The following BARD1 variants were observed in gnomAD, a reference collection of about 807,000 sequenced individuals.
The protein encoded by BARD1 is BRCA1-associated RING domain protein 1.
In BARD1, 73 loss-of-function variants were observed where a neutral mutation model predicts 77.0. That is an observed-to-expected ratio of 0.95 (90% CI 0.79 to 1.15). The LOEUF (loss-of-function observed/expected upper bound fraction) is 1.15, where lower values mean the gene tolerates loss of function less well. Ranked by LOEUF, BARD1 falls within the 50% of genes most tolerant of loss-of-function variation. The pLI is 0.00. For synonymous variants in BARD1, 384 were observed against 338.0 expected, an observed-to-expected ratio of 1.14 and a Z score of -1.49; for missense variants, 993 against 938.8, an observed-to-expected ratio of 1.06 and a Z score of -0.75.
intron 4 of BARD1, among the ~76,000 whole-genome samples, chr2:214,777,999 C>G (rs558191807): frequency 9.5e-4 from 144 of 152,206 alleles, no homozygotes; most frequent in African/African-American, 3.3e-3. Context: ...AGTTCGAGAC[C>G]AGCCTGGCCA....
chr2:214,728,948 TTGG>T lies in BARD1; in HGVS notation c.2059_2061del (p.Pro687del). 1 of 1,614,194 alleles carries T rather than the reference TTGG, an allele frequency of 6.2e-7. No homozygotes were observed. ...GTGACGAGCTTAATAAGGTTGTCCT[TTGG>T]ATGGTGTTTGAAGGTTCCCCACAAA... On this transcript the variant is annotated inframe_deletion, in exon 11 of 11. Transcript: ENST00000260947.
At position 214,728,946 on chromosome 2, in the gene BARD1, C is replaced by CT. The variant is rs1064796026; in HGVS notation, c.2063dup (p.Asp689GlyfsTer5). Reference sequence around the variant, plus strand: ...CAGTGACGAGCTTAATAAGGTTGTCCTTTGGATGGTGTTTGAAGGTTCCCC... The same window carrying CT: ...CAGTGACGAGCTTAATAAGGTTGTCCTTTTGGATGGTGTTTGAAGGTTCCCC... On this transcript the variant is annotated frameshift_variant, in exon 11 of 11. Transcript: ENST00000260947. LOFTEE classifies it high-confidence loss of function. The CT allele has an allele frequency of 6.2e-7, 1 of 1,614,042 alleles. No homozygotes were observed. The highest frequency in any genetic ancestry group is 1.3e-5 in the African/African-American group (1 of 74,906).
chr2:214,739,320 TA>T (rs1438513139), intron 9 of BARD1, among the ~76,000 whole-genome samples: 2 of 152,146 alleles, frequency 1.3e-5, no homozygotes, highest in African/African-American at 4.8e-5. Context: ...AGTATGTCAT[TA>T]GATCTAAACT....
At position 214,730,416 on chromosome 2, in the gene BARD1, G is replaced by A. The variant is rs730881422; in HGVS notation, c.1996C>T (p.Gln666Ter). 5.6e-6 allele frequency: 9 copies of A among 1,612,696 alleles called. No homozygotes were observed. Among genetic ancestry groups the A allele is most frequent in the Non-Finnish European group, 7.6e-6 (9 of 1,178,806 alleles). ...TTGTATTAAAAGAAAAATACCAGCT[G>A]TTCTCTGTTGAGCCTGCTTCTGCGT... ...GPRRSRLNREQLLPKLFDGCY... is the reference protein window; with the variant it reads ...GPRRSRLNRE The change falls in exon 10 of 11, where the codon CAG becomes TAG. Residue 666 changes from glutamine to a stop codon, truncating the protein, a stop_gained. Coordinates refer to ENST00000260947, the MANE Select transcript of BARD1 (RefSeq NM_000465.4). LOFTEE classifies it high-confidence loss of function.
chr2:214,746,195 C>T (rs1693108459), intron 7 of BARD1, among the ~76,000 whole-genome samples: 1 of 152,132 alleles, frequency 6.6e-6, no homozygotes, highest in Non-Finnish European at 1.5e-5. Flanking sequence ...CAGCAATTCC[C>T]TATTCCACCT....
chr2:214,784,399 A>G (rs925572549), intron 3 of BARD1, among the ~76,000 whole-genome samples: 4 of 152,212 alleles, frequency 2.6e-5, no homozygotes, highest in African/African-American at 9.7e-5. Flanking sequence ...GAGGATGTGG[A>G]GAAATAGAAA....
intron 9 of BARD1, among the ~76,000 whole-genome samples, chr2:214,735,866 A>G (rs1249075318): frequency 1.3e-5 from 2 of 152,054 alleles, no homozygotes; most frequent in South Asian, 4.1e-4. Context: ...GTCTTTCCTG[A>G]ATTGGGTCAT....
chr2:214,772,461 T>C (rs1694547711), intron 4 of BARD1, among the ~76,000 whole-genome samples: 1 of 151,774 alleles, frequency 6.6e-6, no homozygotes. Context: ...AAAAAAAAAA[T>C]ATTAAAGAAG....
chr2:214,763,155 A>T (rs1224222495), intron 6 of BARD1, among the ~76,000 whole-genome samples: 1 of 152,114 alleles, frequency 6.6e-6, no homozygotes, highest in Admixed American at 6.5e-5. Flanking sequence ...TGAGTACCTT[A>T]GCACCCATAT....
At position 214,780,842 on chromosome 2, in the gene BARD1, A is replaced by T. The variant is rs1060501293; in HGVS notation, c.1032T>A (p.Ser344Arg). ...KRCRTSILST[S>R]GDFVKQTVPS... ...GCACCGTTTGCTTAACAAAATCTCC[A>T]CTGGTGCTCAGAATGCTGGTTCTAC... is the stretch of plus-strand genomic sequence containing the variant. Residue 344 changes from serine (S) to arginine (R), a missense_variant, in exon 4 of 11, where the codon AGT becomes AGA. Transcript: ENST00000260947. The T allele has an allele frequency of 5.6e-6, 9 of 1,613,990 alleles. No homozygotes were observed. The highest frequency in any genetic ancestry group is 7.6e-6 in the Non-Finnish European group (9 of 1,179,998).
chr2:214,797,870 A>C (rs1022838584), intron 1 of BARD1, among the ~76,000 whole-genome samples: 2 of 152,224 alleles, frequency 1.3e-5, no homozygotes, highest in African/African-American at 4.8e-5. Flanking sequence ...AAAGAGACAC[A>C]GAAACAAAAT....
intron 1 of BARD1, among the ~76,000 whole-genome samples, chr2:214,797,736 G>C (rs1278320621): frequency 2.0e-5 from 3 of 152,068 alleles, no homozygotes; most frequent in Non-Finnish European, 4.4e-5. Flanking sequence ...CAGATATATT[G>C]TGAAAAATGC....
At position 214,750,138 on chromosome 2, in the gene BARD1, G is replaced by C. The variant is rs184876855; in HGVS notation, c.1677+2309C>G. On this transcript the variant is annotated intron_variant, in intron 7 of 10. Coordinates refer to ENST00000260947, the MANE Select transcript of BARD1 (RefSeq NM_000465.4). The stretch of plus-strand genomic sequence containing the variant: ...CTTTCCCCCATCTGAGCAGTACTGG[G>C]ATCTGGTGAGTCTACCAACTCTCTC... Among the ~76,000 whole-genome samples, 3 of 152,060 alleles carry C rather than the reference G, an allele frequency of 2.0e-5. No homozygotes were observed. The East Asian group carries it at 5.8e-4, about 30-fold the overall frequency.
intron 7 of BARD1, among the ~76,000 whole-genome samples, chr2:214,749,778 C>T (rs1323636009): frequency 8.6e-6 from 1 of 116,578 alleles, no homozygotes; most frequent in Non-Finnish European, 1.8e-5. Flanking sequence ...AAGAAAAAAA[C>T]AACCTTTTTT....
Position 214,747,671 on chromosome 2 carries a change from A to G in BARD1, c.1678-1817T>C, listed in dbSNP as rs558149513. On this transcript the variant is annotated intron_variant, in intron 7 of 10. Coordinates refer to ENST00000260947, the MANE Select transcript of BARD1 (RefSeq NM_000465.4). ...AATTGAACAATGAGAACACATGGAC[A>G]CAGGAAGGGGAACATCACACTCTGG... is the stretch of plus-strand genomic sequence containing the variant. Among the ~76,000 whole-genome samples, 1,166 of 134,450 alleles carry G rather than the reference A, an allele frequency of 8.7e-3. 15 individuals carry two copies. The highest frequency in any genetic ancestry group is 0.031 in the African/African-American group (1,124 of 35,958). 88.2% of individuals were successfully genotyped at this position (134,450 alleles called of 152,430 possible). A position where few individuals can be genotyped will look rare whatever the true frequency, so the allele number is the denominator to read the frequency against.
chr2:214,760,031 A>G (rs1344953002), intron 6 of BARD1, among the ~76,000 whole-genome samples: 1 of 152,066 alleles, frequency 6.6e-6, no homozygotes, highest in East Asian at 1.9e-4. Flanking sequence ...ACACACATTC[A>G]ATGTCTAACT....
rs752186689 is a variant in BARD1, at chr2:214,780,641, G to A, written c.1233C>T (p.Pro411=). Residue 411 remains proline, a synonymous_variant, in exon 4 of 11, where the codon CCC becomes CCT. Coordinates refer to ENST00000260947, the MANE Select transcript of BARD1 (RefSeq NM_000465.4). ...TATTGGGCAACAGCTTCATTGCTGA[G>A]GGACTAGACATCACTCGCCTGTAAC... ...SSSYRRVMSS[P]SAMKLLPNMA... 2.5e-6 allele frequency: 4 copies of A among 1,614,068 alleles called. No homozygotes were observed. Among genetic ancestry groups the A allele is most frequent in the Non-Finnish European group, 2.5e-6 (3 of 1,179,982 alleles).
rs1160134942 is a variant in BARD1 at position 214,809,610 on chromosome 2, G to A, written c.-41C>T. 1 of 1,525,496 alleles carries A rather than the reference G, an allele frequency of 6.6e-7. No individual in the cohort carries two copies. The allele number at this position is 1,525,496 out of a possible 1,614,324, so 94.5% of individuals were successfully genotyped here. A position where few individuals can be genotyped will look rare whatever the true frequency, so the allele number is the denominator to read the frequency against. On this transcript the variant is annotated 5_prime_UTR_variant, in exon 1 of 11. Coordinates refer to ENST00000260947, the MANE Select transcript of BARD1 (RefSeq NM_000465.4). ...TGAAAGGCTCCTCGCAGAGCGGGAA[G>A]CAAGGAAGCCTCGGGAAACCACAGG...
chr2:214,769,196 A>G, intron 5 of BARD1, 36 bp downstream of exon 5: 1 of 1,542,992 alleles, frequency 6.5e-7, no homozygotes, highest in Non-Finnish European at 9.0e-7. Flanking sequence ...GAACTGTAAA[A>G]CACAGAAAGA....
Sources: allele counts gnomAD v4.1 joint callset (sites outside exome capture counted in the v4.1 genomes callset), GRCh38; gene constraint gnomAD v4.1.1; transcripts MANE v1.5; gene names NCBI Gene and HGNC (gene_info 2026-07-23, HGNC 2026-07-21).